COL8A1: variants seen among roughly 807,000 people sequenced by gnomAD.
COL8A1 encodes collagen alpha-1(VIII) chain.
Under a neutral mutation model 42.7 loss-of-function variants are expected in COL8A1, and 21 were observed. That is an observed-to-expected ratio of 0.49 (90% CI 0.35 to 0.71). The LOEUF is 0.71. Among genes scored for constraint, COL8A1 ranks in the 30% least tolerant of loss-of-function variants. The pLI, the probability that COL8A1 is intolerant of heterozygous loss-of-function variation, is 0.01. For missense variants in COL8A1, 788 were observed against 962.4 expected, an observed-to-expected ratio of 0.82 and a Z score of 2.40; for synonymous variants, 367 against 369.1, an observed-to-expected ratio of 0.99 and a Z score of 0.06.
chr3:99,675,409 G>C (rs1291485584), intron 1 of COL8A1, among the ~76,000 whole-genome samples: 1 of 151,940 alleles, frequency 6.6e-6, no homozygotes, highest in African/African-American at 2.4e-5. Context: ...TTTGTTATTT[G>C]TTATGAGCGC....
chr3:99,764,266 G>T (rs1466453236), intron 2 of COL8A1, among the ~76,000 whole-genome samples: 1 of 152,092 alleles, frequency 6.6e-6, no homozygotes, highest in Non-Finnish European at 1.5e-5. Flanking sequence ...AGAGTTCTTT[G>T]CATGTAAGAG....
chr3:99,744,426 T>C (rs1202152502), intron 1 of COL8A1, among the ~76,000 whole-genome samples: 1 of 152,174 alleles, frequency 6.6e-6, no homozygotes, highest in Admixed American at 6.5e-5. Context: ...TATGAAAACA[T>C]AAAAGTGTCA....
intron 1 of COL8A1, among the ~76,000 whole-genome samples, chr3:99,692,262 C>T (rs1223364918): frequency 6.6e-6 from 1 of 152,194 alleles, no homozygotes; most frequent in Non-Finnish European, 1.5e-5. Context: ...TCCTCAGCAA[C>T]CTGCATTTAC....
intron 1 of COL8A1, among the ~76,000 whole-genome samples, chr3:99,733,385 G>A (rs1331552690): frequency 7.3e-6 from 1 of 137,420 alleles, no homozygotes; most frequent in Non-Finnish European, 1.6e-5. Context: ...ACCTCTCAGT[G>A]AGAATATGTG....
At chr3:99,731,354 A>C (rs1378504626) in intron 1 of COL8A1, among the ~76,000 whole-genome samples, 2 of 152,130 alleles carry the variant, frequency 1.3e-5, no homozygotes, top group Non-Finnish European at 1.5e-5. Context: ...AGCATTATAG[A>C]CAGAGGAATG....
chr3:99,756,522 A>G (rs1482445441), intron 2 of COL8A1, among the ~76,000 whole-genome samples: 1 of 152,218 alleles, frequency 6.6e-6, no homozygotes, highest in Non-Finnish European at 1.5e-5. Context: ...ATAGAAGCTT[A>G]GCTCCTAACT....
chr3:99,673,846 A>G (rs988261613), intron 1 of COL8A1, among the ~76,000 whole-genome samples: 2 of 152,044 alleles, frequency 1.3e-5, no homozygotes, highest in African/African-American at 2.4e-5. Flanking sequence ...TGTGTACCTC[A>G]GTTTCCATAT....
At chr3:99,666,091 TG>T (rs947191662) in intron 1 of COL8A1, among the ~76,000 whole-genome samples, 1 of 152,146 alleles carries the variant, frequency 6.6e-6, no homozygotes, top group Non-Finnish European at 1.5e-5. Flanking sequence ...GTGTGATGTC[TG>T]GAATCCTGAT....
At chr3:99,673,607 A>T (rs1023444610) in intron 1 of COL8A1, among the ~76,000 whole-genome samples, 1 of 152,064 alleles carries the variant, frequency 6.6e-6, no homozygotes, top group Non-Finnish European at 1.5e-5. Context: ...TGGGGAGGAA[A>T]TTCTTTTTCT....
At chr3:99,661,621 T>C (rs1343590916) in intron 1 of COL8A1, among the ~76,000 whole-genome samples, 1 of 152,222 alleles carries the variant, frequency 6.6e-6, no homozygotes, top group Non-Finnish European at 1.5e-5. Flanking sequence ...TTTCTGGTTA[T>C]ATGCTCCAAA....
intron 2 of COL8A1, among the ~76,000 whole-genome samples, chr3:99,764,015 A>T (rs1293016836): frequency 6.6e-6 from 1 of 152,146 alleles, no homozygotes; most frequent in Admixed American, 6.5e-5. Flanking sequence ...CTTGACCTAG[A>T]AGAACTGTTT....
At chr3:99,741,021 A>G (rs1940885071) in intron 1 of COL8A1, among the ~76,000 whole-genome samples, 1 of 152,144 alleles carries the variant, frequency 6.6e-6, no homozygotes, top group African/African-American at 2.4e-5. Context: ...TAATATAAAT[A>G]TTTTTAAAAC....
At chr3:99,681,578 A>T (rs1938883974) in intron 1 of COL8A1, among the ~76,000 whole-genome samples, 1 of 152,228 alleles carries the variant, frequency 6.6e-6, no homozygotes, top group Non-Finnish European at 1.5e-5. Context: ...AATAAAAGTC[A>T]TCAAGAATAT....
At position 99,795,228 on chromosome 3, in the gene COL8A1, C is replaced by T. The variant is rs1256624821; in HGVS notation, c.1327C>T (p.Leu443Phe). The change falls in exon 4 of 4, where the codon CTT becomes TTT. Residue 443 changes from leucine (L) to phenylalanine (F), a missense_variant. This residue lies in a region of COL8A1 where 154 missense variants were observed against 182.3 expected (regional missense o/e 0.84). Coordinates refer to ENST00000652472, the MANE Select transcript of COL8A1 (RefSeq NM_020351.4). ...LQGFPGKPGFLGEVGPPGMRG... is the reference protein window; with the variant it reads ...LQGFPGKPGFFGEVGPPGMRG... ...AGGCTTCCCAGGAAAGCCAGGTTTC[C>T]TTGGTGAAGTAGGGCCTCCTGGCAT... 6.2e-6 allele frequency: 10 copies of T among 1,613,398 alleles called. No individual in the cohort carries two copies. The highest frequency in any genetic ancestry group is 8.5e-6 in the Non-Finnish European group (10 of 1,179,694).
intron 1 of COL8A1, among the ~76,000 whole-genome samples, chr3:99,674,444 T>TTA (rs1553720897): frequency 4.2e-5 from 6 of 143,078 alleles, no homozygotes; most frequent in Middle Eastern, 3.5e-3. Flanking sequence ...TCTCCTTTTT[T>TTA]AAAAAAAAAA....
chr3:99,641,575 C>T (rs1310134169), intron 1 of COL8A1, among the ~76,000 whole-genome samples: 1 of 152,146 alleles, frequency 6.6e-6, no homozygotes, highest in African/African-American at 2.4e-5. Flanking sequence ...AAAACCAACC[C>T]TAAGTCTCCT....
intron 1 of COL8A1, among the ~76,000 whole-genome samples, chr3:99,706,868 A>G (rs931368088): frequency 6.6e-6 from 1 of 152,136 alleles, no homozygotes; most frequent in African/African-American, 2.4e-5. Context: ...CTCATAGAGC[A>G]CCCGGGAAGA....
intron 1 of COL8A1, among the ~76,000 whole-genome samples, chr3:99,689,848 GA>G (rs1284098036): frequency 6.6e-6 from 1 of 152,118 alleles, no homozygotes; most frequent in South Asian, 2.1e-4. Context: ...TCACAGACGA[GA>G]GAACAGCAAA....
At position 99,775,026 on chromosome 3, in the gene COL8A1, A is replaced by G. The variant is rs561386322; in HGVS notation, c.-3-15654A>G. On this transcript the variant is annotated intron_variant, in intron 2 of 3. Coordinates refer to ENST00000652472, the MANE Select transcript of COL8A1 (RefSeq NM_020351.4). ...GTGGTAGGTGTGAGGATCCCTTGTT[A>G]TGTTGGCACATTCCTGGCTAGGGTC... is the stretch of plus-strand genomic sequence containing the variant. Among the ~76,000 whole-genome samples the G allele has an allele frequency of 2.0e-5, 3 of 152,318 alleles. No individual in the cohort carries two copies. The East Asian group carries it at 5.8e-4, about 29-fold the overall frequency.
Sources: gnomAD v4.1 joint callset for allele counts (sites outside exome capture counted in the v4.1 genomes callset) on GRCh38, gnomAD v4.1.1 for gene constraint, gnomAD v4.1.1 regional missense constraint, MANE v1.5 for transcripts, NCBI Gene and HGNC (gene_info 2026-07-23, HGNC 2026-07-21) for gene names.